DDO: variants seen among roughly 807,000 people sequenced by gnomAD.
DDO encodes the protein D-aspartate oxidase, also known as D-aspartate oxidase, DDO.
DDO carries 16 observed loss-of-function variants against 16.8 expected under a neutral mutation model. That is an observed-to-expected ratio of 0.95 (90% CI 0.65 to 1.45). DDO has a LOEUF of 1.45. Ranked by LOEUF, DDO falls within the 40% of genes most tolerant of loss-of-function variation. The pLI, the probability that DDO is intolerant of heterozygous loss-of-function variation, is 0.00. For missense variants in DDO, 429 were observed against 420.3 expected (o/e 1.02, Z -0.18); for synonymous variants, 180 against 167.2 (o/e 1.08, Z -0.59).
chr6:110,410,990 C>T (rs960275145), intron 2 of DDO, among the ~76,000 whole-genome samples: 6 of 152,126 alleles, frequency 3.9e-5, no homozygotes, highest in Non-Finnish European at 8.8e-5. Flanking sequence ...AAAGCACCAG[C>T]AAAGGCAGGG....
downstream of DDO, among the ~76,000 whole-genome samples, chr6:110,391,028 C>T (rs1239440683): frequency 1.3e-5 from 2 of 152,158 alleles, no homozygotes; most frequent in South Asian, 2.1e-4. Flanking sequence ...ACAACACCAC[C>T]CCCTGGTGGA....
Position 110,408,379 on chromosome 6 carries a change from G to T in DDO, c.236C>A (p.Ala79Asp). The T allele has an allele frequency of 6.2e-7, 1 of 1,614,126 alleles. No homozygotes were observed. The highest frequency in any genetic ancestry group is 8.5e-7 in the Non-Finnish European group (1 of 1,180,024). ...RETFNHLFAI[A>D]NSAEAGDAGV... ...AGCATCTCCAGCTTCTGCAGAATTG[G>T]CAATTGCAAAGAGGTGATTAAAGGT... Residue 79 changes from alanine (A) to aspartate (D), a missense_variant, in exon 3 of 5, where the codon GCC becomes GAC. Coordinates refer to ENST00000368924, the MANE Select transcript of DDO (RefSeq NM_001372108.2).
chr6:110,393,433 T>A (rs1358466425), intron 4 of DDO, 91 bp from the exon 5 acceptor site: 2 of 1,478,596 alleles, frequency 1.4e-6, no homozygotes, highest in East Asian at 4.6e-5. Context: ...GAACAAAAAT[T>A]AGGTGATGAT....
At chr6:110,412,087 A>G (rs1773876359) in intron 2 of DDO, among the ~76,000 whole-genome samples, 1 of 152,122 alleles carries the variant, frequency 6.6e-6, no homozygotes, top group Non-Finnish European at 1.5e-5. Context: ...CTCTACTAAA[A>G]ATACAAAAAT....
intron 4 of DDO, among the ~76,000 whole-genome samples, chr6:110,394,907 A>C (rs1582470529): frequency 1.3e-5 from 2 of 152,332 alleles, no homozygotes; most frequent in Admixed American, 6.5e-5. Context: ...GATATCAATA[A>C]ATCACGAATT....
At chr6:110,415,339 C>A (rs9487397) in intron 1 of DDO, 128 bp downstream of exon 1, 4 of 1,239,278 alleles carry the variant, frequency 3.2e-6, no homozygotes, top group Non-Finnish European at 4.4e-6. Flanking sequence ...GAGGAGTGAG[C>A]GAGCAATGTG....
downstream of DDO, among the ~76,000 whole-genome samples, chr6:110,390,400 A>G (rs1160627608): frequency 6.6e-6 from 1 of 152,242 alleles, no homozygotes; most frequent in Non-Finnish European, 1.5e-5. Context: ...TCTAAGTTGC[A>G]GCCCAGGTTG....
intron 3 of DDO, among the ~76,000 whole-genome samples, chr6:110,405,793 T>C (rs142579450): frequency 5.9e-5 from 9 of 152,106 alleles, no homozygotes; most frequent in Middle Eastern, 3.4e-3. Flanking sequence ...GTCCCAGCTA[T>C]TGGGGAGACT....
rs368825335 is a variant in DDO, at chr6:110,415,569, C to A, written c.-107G>T. 2 of 1,612,910 alleles carry A rather than the reference C, an allele frequency of 1.2e-6. No individual in the cohort carries two copies. The highest frequency in any genetic ancestry group is 1.7e-5 in the Admixed American group (1 of 59,882). On this transcript the variant is annotated 5_prime_UTR_variant, in exon 1 of 5. Transcript: ENST00000368924. ...CATGCCCTGAGAGACAGAGAGAAAG[C>A]GAAACTGATTCCCATTGGTGACTTG...
chr6:110,393,486 C>T, intron 4 of DDO, 144 bp from the exon 5 acceptor site: 2 of 1,191,818 alleles, frequency 1.7e-6, no homozygotes. Flanking sequence ...CCCAGTCAGG[C>T]CAAATTCTAG....
chr6:110,394,391 G>A lies in DDO; in HGVS notation c.459-1049C>T, dbSNP rs755483506. Among the ~76,000 whole-genome samples the A allele has an allele frequency of 8.9e-4, 136 of 152,288 alleles. 1 individual carries two copies. Among genetic ancestry groups the A allele is most frequent in the Non-Finnish European group, 1.7e-3 (116 of 68,020 alleles). On this transcript the variant is annotated intron_variant, in intron 4 of 4. Transcript: ENST00000368924. ...CAAAGTGCTGGGATTATAGGCATGA[G>A]CCACCGTGCCTGGCCTCCAGAACTT...
At position 110,392,333 on chromosome 6, in the gene DDO, C is replaced by T; in HGVS notation, c.*442G>A. Reference sequence around the variant, plus strand: ...TTTATAAGCCAAATGATATCAAAATCTCTATAGCTTCCAACATTCATATAA... The same window carrying T: ...TTTATAAGCCAAATGATATCAAAATTTCTATAGCTTCCAACATTCATATAA... On this transcript the variant is annotated 3_prime_UTR_variant, in exon 5 of 5. Coordinates refer to ENST00000368924, the MANE Select transcript of DDO (RefSeq NM_001372108.2). The T allele has an allele frequency of 2.0e-6, 2 of 986,528 alleles. No individual in the cohort carries two copies. The highest frequency in any genetic ancestry group is 2.4e-6 in the Non-Finnish European group (2 of 830,746). The allele number at this position is 986,528 out of a possible 1,614,324, so 61.1% of individuals were successfully genotyped here.
rs957991977 is a variant in DDO at position 110,408,453 on chromosome 6, G to A, written c.173-11C>T. ...TGTGAATGGGTGTATCTGTAATCATGGAGAAAAGCAAAGTGGAACAGAAAG... is the reference window on the plus strand; with the variant it reads ...TGTGAATGGGTGTATCTGTAATCATAGAGAAAAGCAAAGTGGAACAGAAAG... On this transcript the variant is annotated splice_polypyrimidine_tract_variant and intron_variant, in intron 2 of 4. Transcript: ENST00000368924. The A allele has an allele frequency of 1.2e-6, 2 of 1,610,280 alleles. No homozygotes were observed. The highest frequency in any genetic ancestry group is 3.3e-4 in the Middle Eastern group (2 of 6,050).
chr6:110,412,305 T>A (rs1049649330), intron 2 of DDO, among the ~76,000 whole-genome samples: 12 of 152,106 alleles, frequency 7.9e-5, no homozygotes, highest in Non-Finnish European at 1.6e-4. Context: ...TATTAACTAA[T>A]TATGATTGAC....
At chr6:110,409,260 C>T (rs569610076) in intron 2 of DDO, among the ~76,000 whole-genome samples, 8 of 152,208 alleles carry the variant, frequency 5.3e-5, no homozygotes, top group African/African-American at 9.7e-5. Flanking sequence ...GGCACAGAGA[C>T]GGCAGGAATG....
intron 4 of DDO, among the ~76,000 whole-genome samples, chr6:110,396,783 T>A (rs1773305142): frequency 6.6e-6 from 1 of 152,214 alleles, no homozygotes; most frequent in Admixed American, 6.5e-5. Flanking sequence ...TGGGGACAGA[T>A]TGTTTTTGGC....
chr6:110,395,249 A>T (rs1773254202), intron 4 of DDO, among the ~76,000 whole-genome samples: 1 of 151,774 alleles, frequency 6.6e-6, no homozygotes, highest in African/African-American at 2.4e-5. Flanking sequence ...AAAAAAGTTG[A>T]CTCTTTTCCA....
rs1313034350 is a variant in DDO, at chr6:110,392,564, A to G, written c.*211T>C. On this transcript the variant is annotated 3_prime_UTR_variant, in exon 5 of 5. Transcript: ENST00000368924. ...AAAAATGTTACCCAGATTGCACTCA[A>G]ACTCCTGGGCTCAACAATCCTCCTG... The G allele has an allele frequency of 2.4e-6, 3 of 1,230,002 alleles. No homozygotes were observed. The highest frequency in any genetic ancestry group is 3.0e-6 in the Non-Finnish European group (3 of 987,080). 76.2% of individuals were successfully genotyped at this position (1,230,002 alleles called of 1,614,324 possible).
At chr6:110,397,944 T>C (rs1773340318) in intron 4 of DDO, among the ~76,000 whole-genome samples, 2 of 152,160 alleles carry the variant, frequency 1.3e-5, no homozygotes, top group South Asian at 2.1e-4. Flanking sequence ...TTAAATTAGG[T>C]GACCAAGTGC....
Sources: allele counts gnomAD v4.1 joint callset (sites outside exome capture counted in the v4.1 genomes callset), GRCh38; gene constraint gnomAD v4.1.1; transcripts MANE v1.5; gene names NCBI Gene and HGNC (gene_info 2026-07-23, HGNC 2026-07-21).